ENOX1: variants seen among roughly 807,000 people sequenced by gnomAD.
ENOX1 encodes the protein candidate growth-related and time keeping constitutive hydroquinone (NADH) oxidase.
ENOX1 carries 42 observed loss-of-function variants against 82.5 expected under a neutral mutation model. The observed-to-expected ratio is 0.51, with a 90% CI of 0.40 to 0.66. The LOEUF (loss-of-function observed/expected upper bound fraction) is 0.66, where lower values mean the gene tolerates loss of function less well. Among genes scored for constraint, ENOX1 ranks in the 30% least tolerant of loss-of-function variants. ENOX1 has a pLI of 0.00. For missense variants in ENOX1, 608 were observed against 811.6 expected, an observed-to-expected ratio of 0.75 and a Z score of 3.05; for synonymous variants, 271 against 282.2, an observed-to-expected ratio of 0.96 and a Z score of 0.40.
Position 43,293,653 on chromosome 13 carries a change from G to GTACT in ENOX1, c.1446+4689_1446+4692dup, listed in dbSNP as rs1365596228. On this transcript the variant is annotated intron_variant, in intron 12 of 16. Coordinates refer to ENST00000690772, the MANE Select transcript of ENOX1 (RefSeq NM_001347969.2). ...GCTTTTCTCTTTCTCTAAAAAAAAC[G>GTACT]TACTTACTAAGCAACTAAATAGTTT... is the stretch of plus-strand genomic sequence containing the variant. Among the ~76,000 whole-genome samples, 31 of 152,278 alleles carry GTACT rather than the reference G, an allele frequency of 2.0e-4. No homozygotes were observed. The East Asian group carries it at 5.4e-3, about 26-fold the overall frequency.
At chr13:43,273,995 T>C (rs944437964) in intron 12 of ENOX1, among the ~76,000 whole-genome samples, 5 of 152,128 alleles carry the variant, frequency 3.3e-5, no homozygotes, top group Non-Finnish European at 7.4e-5. Flanking sequence ...GATTAAACCA[T>C]GATCCAACAA....
chr13:43,634,738 G>A (rs1344898401), intron 2 of ENOX1, among the ~76,000 whole-genome samples: 1 of 152,164 alleles, frequency 6.6e-6, no homozygotes, highest in Non-Finnish European at 1.5e-5. Context: ...GTCATCATGG[G>A]TATGTAAGTG....
chr13:43,608,844 C>T (rs568186668), intron 2 of ENOX1, among the ~76,000 whole-genome samples: 3 of 152,312 alleles, frequency 2.0e-5, no homozygotes, highest in South Asian at 2.1e-4. Flanking sequence ...CCTTTCCTGT[C>T]GGGCACCCTG....
At chr13:43,466,858 C>T (rs9533505) in intron 3 of ENOX1, among the ~76,000 whole-genome samples, 69,346 of 151,900 alleles carry the variant, frequency 0.46, 16,232 homozygotes, top group Non-Finnish European at 0.5. Context: ...TGAAGTTGCC[C>T]ATTCTGGACT....
intron 1 of ENOX1, among the ~76,000 whole-genome samples, chr13:43,765,196 A>G (rs1406789865): frequency 5.3e-5 from 8 of 152,166 alleles, no homozygotes; most frequent in South Asian, 2.1e-4. Context: ...ATTTAGGGAG[A>G]AAAAAACTAA....
intron 2 of ENOX1, among the ~76,000 whole-genome samples, chr13:43,629,592 G>A (rs1193197269): frequency 2.6e-5 from 4 of 152,160 alleles, no homozygotes; most frequent in Non-Finnish European, 5.9e-5. Flanking sequence ...ACTCGAAAGT[G>A]GAATTCTGTA....
At chr13:43,412,210 C>G (rs1200090933) in intron 4 of ENOX1, among the ~76,000 whole-genome samples, 157 bp from the exon 5 acceptor site, 1 of 152,074 alleles carries the variant, frequency 6.6e-6, no homozygotes, top group African/African-American at 2.4e-5. Context: ...TTTCTCTAGA[C>G]ATAAACACAA....
At chr13:43,609,892 G>A in intron 2 of ENOX1, 2 of 980,494 alleles carry the variant, frequency 2.0e-6, no homozygotes, top group Non-Finnish European at 2.4e-6. Context: ...CTTCATTCAT[G>A]TAAGAAATTT....
intron 14 of ENOX1, among the ~76,000 whole-genome samples, chr13:43,248,184 C>T (rs1335133059): frequency 2.0e-5 from 3 of 151,550 alleles, no homozygotes; most frequent in Admixed American, 6.6e-5. Context: ...CGCGCCCGGC[C>T]GCAACTTATA....
At chr13:43,356,621 T>G (rs913222338) in intron 7 of ENOX1, among the ~76,000 whole-genome samples, 2 of 152,054 alleles carry the variant, frequency 1.3e-5, no homozygotes, top group Admixed American at 1.3e-4. Flanking sequence ...CTATGATATT[T>G]AAAAAGATCT....
At chr13:43,455,375 A>G (rs1458075820) in intron 3 of ENOX1, among the ~76,000 whole-genome samples, 1 of 152,094 alleles carries the variant, frequency 6.6e-6, no homozygotes, top group East Asian at 1.9e-4. Context: ...TAATCCTGGT[A>G]TTCTGAAGTC....
chr13:43,413,697 A>T (rs556903294), intron 3 of ENOX1, among the ~76,000 whole-genome samples: 12 of 145,502 alleles, frequency 8.2e-5, no homozygotes, highest in East Asian at 3.9e-4. Flanking sequence ...ATATATATAT[A>T]TTTTTATATA....
At chr13:43,508,900 A>T (rs1327695281) in intron 2 of ENOX1, among the ~76,000 whole-genome samples, 1 of 151,850 alleles carries the variant, frequency 6.6e-6, no homozygotes, top group Non-Finnish European at 1.5e-5. Flanking sequence ...GCCCTCCTAT[A>T]CTCTTTAATT....
intron 3 of ENOX1, among the ~76,000 whole-genome samples, chr13:43,448,949 G>A (rs2056807344): frequency 6.6e-6 from 1 of 152,226 alleles, no homozygotes; most frequent in Admixed American, 6.5e-5. Context: ...TCTTAGAAGT[G>A]TAAGTGAAAC....
chr13:43,754,553 G>A (rs545154771), intron 1 of ENOX1, among the ~76,000 whole-genome samples: 3 of 150,334 alleles, frequency 2.0e-5, no homozygotes, highest in Admixed American at 1.3e-4. Flanking sequence ...GGTTGGTCTC[G>A]AACTCCTCTA....
At chr13:43,312,142 C>G (rs2047239152) in intron 11 of ENOX1, among the ~76,000 whole-genome samples, 1 of 152,050 alleles carries the variant, frequency 6.6e-6, no homozygotes, top group African/African-American at 2.4e-5. Context: ...TTGGGGGTAC[C>G]AAAATTCATT....
chr13:43,487,129 G>A (rs1272220011), intron 2 of ENOX1, among the ~76,000 whole-genome samples: 1 of 151,254 alleles, frequency 6.6e-6, no homozygotes, highest in Non-Finnish European at 1.5e-5. Flanking sequence ...CTGAGATCGT[G>A]CCACTGCACT....
At chr13:43,237,874 C>A (rs146059747) in intron 14 of ENOX1, among the ~76,000 whole-genome samples, 1 of 152,114 alleles carries the variant, frequency 6.6e-6, no homozygotes, top group Non-Finnish European at 1.5e-5. Flanking sequence ...TATGAGCTAC[C>A]ACTTTGTAAT....
intron 5 of ENOX1, among the ~76,000 whole-genome samples, chr13:43,403,602 G>T (rs2053620204): frequency 6.6e-6 from 1 of 152,132 alleles, no homozygotes. Context: ...TACCACTTTG[G>T]GAGGCTGAGG....
Sources: allele counts gnomAD v4.1 joint callset (sites outside exome capture counted in the v4.1 genomes callset), GRCh38; gene constraint gnomAD v4.1.1; transcripts MANE v1.5; gene names NCBI Gene and HGNC (gene_info 2026-07-23, HGNC 2026-07-21).